NUP62CL: variants seen among roughly 807,000 people sequenced by gnomAD.
The protein encoded by NUP62CL is nucleoporin-62 C-terminal-like protein.
In NUP62CL, 13 loss-of-function variants were observed where a neutral mutation model predicts 15.3. The ratio of observed to expected loss-of-function variants is 0.85; its 90% confidence interval spans 0.55 to 1.35. The LOEUF is 1.35. Ranked by LOEUF, NUP62CL falls within the 40% of genes most tolerant of loss-of-function variation. The pLI is 0.00. For synonymous variants in NUP62CL, 54 were observed against 49.2 expected (o/e 1.10, Z -0.41); for missense variants, 123 against 130.6 (o/e 0.94, Z 0.28).
intron 2 of NUP62CL, among the ~76,000 whole-genome samples, chrX:107,175,846 G>C (rs1181974040): frequency 9.0e-6 from 1 of 111,362 alleles, no homozygotes; most frequent in Non-Finnish European, 1.9e-5. Flanking sequence ...ACACAGAGTT[G>C]AAGGGGTGAA....
At chrX:107,137,005 A>G (rs1016537592) in intron 8 of NUP62CL, among the ~76,000 whole-genome samples, 3 of 112,167 alleles carry the variant, frequency 2.7e-5, no homozygotes, top group African/African-American at 9.7e-5. Context: ...CGGATGTTGC[A>G]GTGAGCCAAG....
At chrX:107,132,779 T>C (rs901223860) in intron 8 of NUP62CL, among the ~76,000 whole-genome samples, 2 of 111,947 alleles carry the variant, frequency 1.8e-5, no homozygotes, top group African/African-American at 6.5e-5. Flanking sequence ...TAAAATGAAA[T>C]ACTTGTAAAT....
chrX:107,164,295 A>T (rs1480019464), intron 4 of NUP62CL, among the ~76,000 whole-genome samples: 1 of 111,979 alleles, frequency 8.9e-6, no homozygotes, highest in Non-Finnish European at 1.9e-5. Context: ...TAAGAAGTAT[A>T]TAGAGCTGAA....
intron 7 of NUP62CL, among the ~76,000 whole-genome samples, chrX:107,152,051 T>TATATATATATATATATATTCAG (rs1926028479): frequency 1.8e-5 from 1 of 55,609 alleles, no homozygotes; most frequent in Non-Finnish European, 2.6e-5. Context: ...TATATTCAGA[T>TATATATATATATATATATTCAG]ATATATATAT....
chrX:107,142,670 G>T (rs1285947652), intron 8 of NUP62CL, among the ~76,000 whole-genome samples: 1 of 111,747 alleles, frequency 8.9e-6, no homozygotes, highest in Non-Finnish European at 1.9e-5. Flanking sequence ...AACAGAAAAT[G>T]CCTATCCCTC....
At chrX:107,198,799 T>C (rs965572056) in intron 1 of NUP62CL, among the ~76,000 whole-genome samples, 2 of 112,022 alleles carry the variant, frequency 1.8e-5, no homozygotes, top group Non-Finnish European at 3.8e-5. Context: ...CTTTAAGAAC[T>C]GTAATACTCA....
intron 4 of NUP62CL, among the ~76,000 whole-genome samples, chrX:107,154,946 C>T (rs992588810): frequency 8.9e-6 from 1 of 111,902 alleles, no homozygotes; most frequent in African/African-American, 3.3e-5. Context: ...CTCAATGAGG[C>T]AGAATGAGGC....
In NUP62CL at chrX:107,147,636, C is replaced by T. The variant is rs111461347; in HGVS notation, c.*42+107G>A. 479 of 520,242 alleles carry T rather than the reference C, an allele frequency of 9.2e-4. 3 individuals are homozygous for T. In the African/African-American group the frequency reaches 9.4e-3, roughly 10 times the overall value. The allele number at this position is 520,242 out of a possible 1,213,427, so 42.9% of individuals were successfully genotyped here. Reference sequence around the variant, plus strand: ...ACACATACTGTGCGTTAAGCAACACCCATACAACAGCTTTTATATGAGTTT... The same window carrying T: ...ACACATACTGTGCGTTAAGCAACACTCATACAACAGCTTTTATATGAGTTT... On this transcript the variant is annotated intron_variant, in intron 8 of 8. Transcript: ENST00000372466.
intron 3 of NUP62CL, among the ~76,000 whole-genome samples, chrX:107,174,729 T>C (rs770248233): frequency 8.9e-6 from 1 of 111,953 alleles, no homozygotes; most frequent in African/African-American, 3.2e-5. Flanking sequence ...CCTACATTTA[T>C]TTCCCATTTT....
chrX:107,178,255 C>T (rs925491800), intron 2 of NUP62CL, among the ~76,000 whole-genome samples: 4 of 111,612 alleles, frequency 3.6e-5, no homozygotes, highest in Non-Finnish European at 7.5e-5. Context: ...TATTCTAATA[C>T]GGCCTGTTGT....
intron 1 of NUP62CL, among the ~76,000 whole-genome samples, chrX:107,201,956 T>G (rs6616634): frequency 0.37 from 40,355 of 109,645 alleles, 8,111 homozygotes; most frequent in African/African-American, 0.76. Flanking sequence ...AAAAAAAACT[T>G]CAGAAGAATA....
chrX:107,192,508 T>G (rs1275648460), intron 2 of NUP62CL, among the ~76,000 whole-genome samples: 2 of 111,281 alleles, frequency 1.8e-5, no homozygotes, highest in Non-Finnish European at 3.8e-5. Flanking sequence ...ACCTCCTGAG[T>G]AGCTGGGACT....
intron 8 of NUP62CL, among the ~76,000 whole-genome samples, chrX:107,130,007 T>A (rs147199686): frequency 0.011 from 1,185 of 111,276 alleles, 14 homozygotes; most frequent in African/African-American, 0.037. Flanking sequence ...AATAAAAAGT[T>A]GAGTACATAC....
At chrX:107,164,744 T>C (rs773386528) in intron 4 of NUP62CL, among the ~76,000 whole-genome samples, 44 of 112,672 alleles carry the variant, frequency 3.9e-4, no homozygotes, top group African/African-American at 1.2e-3. Flanking sequence ...ATGAACTAGA[T>C]AACCTGAATA....
At chrX:107,143,722 T>G (rs773831278) in intron 8 of NUP62CL, among the ~76,000 whole-genome samples, 253 of 112,250 alleles carry the variant, frequency 2.3e-3, no homozygotes, top group African/African-American at 7.8e-3. Flanking sequence ...ATATTTGTAT[T>G]GTTAAAATAA....
Position 107,132,149 on chromosome X carries a change from G to A in NUP62CL, c.*43-7817C>T. On this transcript the variant is annotated intron_variant, in intron 8 of 8. Transcript: ENST00000372466. ...GAGGAAAAGATTCAAATGAACGAGAGTTCAAACCTGAGTTGTGAACAGGAG... is the reference window on the plus strand; with the variant it reads ...GAGGAAAAGATTCAAATGAACGAGAATTCAAACCTGAGTTGTGAACAGGAG... 11 of 1,167,118 alleles carry A rather than the reference G, an allele frequency of 9.4e-6. No individual in the cohort carries two copies. In the South Asian group the frequency reaches 1.8e-4, roughly 19 times the overall value.
Position 107,167,697 on chromosome X carries a change from A to T in NUP62CL, c.146T>A (p.Leu49Gln). The T allele has an allele frequency of 8.3e-7, 1 of 1,210,263 alleles. No homozygotes were observed. Among genetic ancestry groups the T allele is most frequent in the Non-Finnish European group, 1.1e-6 (1 of 894,192 alleles). The change falls in exon 4 of 9, where the codon CTG becomes CAG. Residue 49 changes from leucine (L) to glutamine (Q), a missense_variant. Leu to Gln is a moderately radical substitution (Grantham distance 113, BLOSUM62 -2). Transcript: ENST00000372466. ...AAGGTTTTCAAACCCTCTTGATAACAGTTGGTTTTGGTTCACAGTAAAGCC... is the reference window on the plus strand; with the variant it reads ...AAGGTTTTCAAACCCTCTTGATAACTGTTGGTTTTGGTTCACAGTAAAGCC... ...TSGFTVNQNQLLSRGFENLVP... is the reference protein window; with the variant it reads ...TSGFTVNQNQQLSRGFENLVP...
intron 1 of NUP62CL, among the ~76,000 whole-genome samples, chrX:107,204,870 T>G (rs1927622093): frequency 1.8e-5 from 1 of 57,105 alleles, no homozygotes; most frequent in African/African-American, 1.4e-4. Context: ...TTTAAATAAA[T>G]TATTTAAATA....
intron 1 of NUP62CL, among the ~76,000 whole-genome samples, chrX:107,199,947 C>T (rs1039538098): frequency 8.9e-6 from 1 of 111,975 alleles, no homozygotes; most frequent in Admixed American, 9.5e-5. Context: ...TGCATGCCAA[C>T]TCTGGAAGTA....
Sources: allele counts gnomAD v4.1 joint callset (sites outside exome capture counted in the v4.1 genomes callset), GRCh38; gene constraint gnomAD v4.1.1; transcripts MANE v1.5; gene names NCBI Gene and HGNC (gene_info 2026-07-23, HGNC 2026-07-21).